HDHD2: variants seen among roughly 807,000 people sequenced by gnomAD.
The protein encoded by HDHD2 is haloacid dehalogenase-like hydrolase domain-containing protein 2.
In HDHD2, 26 loss-of-function variants were observed where a neutral mutation model predicts 24.8. That is an observed-to-expected ratio of 1.05 (90% CI 0.77 to 1.45). The LOEUF is 1.45. Ranked by LOEUF, HDHD2 falls within the 40% of genes most tolerant of loss-of-function variation. The probability of loss-of-function intolerance (pLI) is 0.00; values close to 1 mark genes in which losing one functional copy is unlikely to be tolerated. For synonymous variants in HDHD2, 128 were observed against 114.9 expected (o/e 1.11, Z -0.73); for missense variants, 299 against 313.4 (o/e 0.95, Z 0.35).
chr18:47,126,166 A>G (rs1474381023), intron 4 of HDHD2, among the ~76,000 whole-genome samples: 1 of 152,234 alleles, frequency 6.6e-6, no homozygotes, highest in Non-Finnish European at 1.5e-5. Flanking sequence ...AACACTGCAT[A>G]GCAGTCAACC....
intron 1 of HDHD2, among the ~76,000 whole-genome samples, chr18:47,139,035 C>G (rs2063794764): frequency 6.6e-6 from 1 of 152,186 alleles, no homozygotes; most frequent in African/African-American, 2.4e-5. Flanking sequence ...GGAGGGTGAA[C>G]AAGAATGCAC....
chr18:47,137,010 C>T, intron 1 of HDHD2: 2 of 655,156 alleles, frequency 3.1e-6, no homozygotes, highest in Non-Finnish European at 2.9e-6. Context: ...GAGACTCTGG[C>T]AGTCACCATG....
chr18:47,114,297 C>T (rs1190267751), intron 5 of HDHD2, among the ~76,000 whole-genome samples: 1 of 152,204 alleles, frequency 6.6e-6, no homozygotes, highest in Non-Finnish European at 1.5e-5. Context: ...GGGAGGGAGT[C>T]CTGAGCTCAA....
chr18:47,131,317 G>A (rs1327258208), intron 3 of HDHD2, among the ~76,000 whole-genome samples: 1 of 152,148 alleles, frequency 6.6e-6, no homozygotes, highest in Non-Finnish European at 1.5e-5. Flanking sequence ...AGGTTCCATG[G>A]ATTATCCATA....
chr18:47,123,064 TAA>T (rs1264535391), intron 4 of HDHD2, among the ~76,000 whole-genome samples: 1 of 152,060 alleles, frequency 6.6e-6, no homozygotes, highest in African/African-American at 2.4e-5. Flanking sequence ...CCAGACAGTG[TAA>T]CATAGCAAGA....
At chr18:47,111,205 T>C (rs747558116) in intron 6 of HDHD2, 36 of 985,204 alleles carry the variant, frequency 3.7e-5, no homozygotes, top group Non-Finnish European at 4.1e-5. Flanking sequence ...CGCTGATGGC[T>C]TCTCAGAGAC....
intron 3 of HDHD2, among the ~76,000 whole-genome samples, chr18:47,133,790 G>A (rs1232385001): frequency 6.6e-6 from 1 of 152,236 alleles, no homozygotes; most frequent in Non-Finnish European, 1.5e-5. Flanking sequence ...TTTGAGAAGT[G>A]TCTGTTCATA....
At chr18:47,131,032 A>C (rs1387497543) in intron 3 of HDHD2, among the ~76,000 whole-genome samples, 1 of 152,058 alleles carries the variant, frequency 6.6e-6, no homozygotes, top group African/African-American at 2.4e-5. Flanking sequence ...GCTGGAGTGT[A>C]ATGGTGCGAT....
chr18:47,133,328 T>A (rs1170750475), intron 3 of HDHD2, among the ~76,000 whole-genome samples: 1 of 152,050 alleles, frequency 6.6e-6, no homozygotes, highest in African/African-American at 2.4e-5. Context: ...CATGAACTCA[T>A]CCTTTTTTAT....
chr18:47,142,168 T>C (rs989113996), intron 1 of HDHD2, among the ~76,000 whole-genome samples: 4 of 152,092 alleles, frequency 2.6e-5, no homozygotes, highest in Non-Finnish European at 4.4e-5. Flanking sequence ...AATGAACTAG[T>C]ACAGATTTTT....
At chr18:47,130,412 G>A in intron 3 of HDHD2, 84 bp from the exon 4 acceptor site, 1 of 868,530 alleles carries the variant, frequency 1.2e-6, no homozygotes, top group Non-Finnish European at 1.8e-6. Flanking sequence ...AGTCAATCAA[G>A]TGCAAACTTT....
chr18:47,130,176 G>A (rs2063699248), intron 4 of HDHD2, 68 bp downstream of exon 4: 1 of 984,378 alleles, frequency 1.0e-6, no homozygotes, highest in Admixed American at 2.1e-5. Flanking sequence ...ACCCATTCAT[G>A]ACAATGACAA....
chr18:47,150,159 C>A (rs780058640), intron 1 of HDHD2: 2 of 152,396 alleles, frequency 1.3e-5, no homozygotes, highest in Admixed American at 6.5e-5. Flanking sequence ...ACCCACAGCG[C>A]GCCTCGCGCC....
At chr18:47,143,526 C>T (rs184363108) in intron 1 of HDHD2, among the ~76,000 whole-genome samples, 1 of 152,240 alleles carries the variant, frequency 6.6e-6, no homozygotes, top group African/African-American at 2.4e-5. Flanking sequence ...ATGCAGTGTT[C>T]TAGTAGAGTT....
At chr18:47,129,716 T>A (rs1404259470) in intron 4 of HDHD2, among the ~76,000 whole-genome samples, 1 of 152,170 alleles carries the variant, frequency 6.6e-6, no homozygotes, top group Non-Finnish European at 1.5e-5. Flanking sequence ...TGGATCAGCC[T>A]GGATACTGTT....
intron 4 of HDHD2, among the ~76,000 whole-genome samples, chr18:47,122,414 T>G (rs1036386910): frequency 6.6e-6 from 1 of 152,160 alleles, no homozygotes; most frequent in African/African-American, 2.4e-5. Flanking sequence ...CCCTGGCCTC[T>G]ACCCATCATG....
rs533638501 is a variant in HDHD2 at position 47,108,788 on chromosome 18, G to A, written c.677-3C>T. On this transcript the variant is annotated splice_polypyrimidine_tract_variant and splice_region_variant and intron_variant, in intron 6 of 6. Coordinates refer to ENST00000300605, the MANE Select transcript of HDHD2 (RefSeq NM_032124.5). ...TTCATCTGATGCTCGATATTTCCCT[G>A]AAATGAAAGTAAAGCCAGTAAACAC... The A allele has an allele frequency of 4.4e-6, 7 of 1,580,854 alleles. No individual in the cohort carries two copies. In the East Asian group the frequency reaches 1.1e-4, roughly 25 times the overall value.
chr18:47,129,965 C>T (rs568913404), intron 4 of HDHD2, among the ~76,000 whole-genome samples: 14 of 152,080 alleles, frequency 9.2e-5, no homozygotes, highest in African/African-American at 2.9e-4. Context: ...CTGGGGAGAT[C>T]GAGGCTGTGG....
chr18:47,136,991 G>T, intron 1 of HDHD2: 2 of 596,580 alleles, frequency 3.4e-6, no homozygotes, highest in Non-Finnish European at 3.1e-6. Flanking sequence ...TTGTGAAGTG[G>T]CAGCTGAGGA....
Sources: gnomAD v4.1 joint callset for allele counts (sites outside exome capture counted in the v4.1 genomes callset) on GRCh38, gnomAD v4.1.1 for gene constraint, MANE v1.5 for transcripts, NCBI Gene and HGNC (gene_info 2026-07-23, HGNC 2026-07-21) for gene names.